Variants in ERBB4 observed in about 807,000 individuals in gnomAD.
ERBB4 encodes the protein receptor tyrosine-protein kinase erbB-4.
ERBB4 carries 42 observed loss-of-function variants against 158.0 expected under a neutral mutation model. That is an observed-to-expected ratio of 0.27 (90% CI 0.21 to 0.34). The LOEUF (loss-of-function observed/expected upper bound fraction) is 0.34, where lower values mean the gene tolerates loss of function less well. Among genes scored for constraint, ERBB4 ranks in the 10% least tolerant of loss-of-function variants. The pLI is 1.00. For synonymous variants in ERBB4, 583 were observed against 558.7 expected (o/e 1.04, Z -0.61); for missense variants, 1,333 against 1,624.1 (o/e 0.82, Z 3.08).
At chr2:211,848,960 C>G (rs183553618) in intron 3 of ERBB4, among the ~76,000 whole-genome samples, 195 of 152,154 alleles carry the variant, frequency 1.3e-3, no homozygotes, top group African/African-American at 4.5e-3. Context: ...ATTGAGCAAA[C>G]TACATACAAA....
intron 2 of ERBB4, among the ~76,000 whole-genome samples, chr2:211,957,992 C>T (rs2081077718): frequency 6.6e-6 from 1 of 151,992 alleles, no homozygotes; most frequent in Non-Finnish European, 1.5e-5. Context: ...TTTGAGGATG[C>T]AAAAGTTAGA....
At chr2:211,434,755 T>C (rs2063814791) in intron 20 of ERBB4, among the ~76,000 whole-genome samples, 1 of 152,184 alleles carries the variant, frequency 6.6e-6, no homozygotes, top group Admixed American at 6.5e-5. Flanking sequence ...AAAAACTAGG[T>C]GACAGTCTCT....
At chr2:211,471,992 A>C (rs373241614) in intron 20 of ERBB4, among the ~76,000 whole-genome samples, 1 of 152,116 alleles carries the variant, frequency 6.6e-6, no homozygotes, top group African/African-American at 2.4e-5. Context: ...AAGGGGGAAA[A>C]AAGATAATTC....
intron 1 of ERBB4, among the ~76,000 whole-genome samples, chr2:212,373,714 C>CATATATATCCATATATATATATCCAT (rs2090163976): frequency 2.2e-5 from 3 of 139,488 alleles, no homozygotes; most frequent in Admixed American, 7.3e-5. Context: ...TATATATCCA[C>CATATATATCCATATATATATATCCAT]ATATATATCC....
intron 16 of ERBB4, among the ~76,000 whole-genome samples, chr2:211,642,013 A>T (rs947834618): frequency 3.3e-5 from 5 of 152,146 alleles, no homozygotes; most frequent in Non-Finnish European, 7.4e-5. Flanking sequence ...TGAAATAGTT[A>T]AGTGGGATAT....
At chr2:212,351,369 A>C (rs1019137485) in intron 1 of ERBB4, among the ~76,000 whole-genome samples, 5 of 152,162 alleles carry the variant, frequency 3.3e-5, no homozygotes, top group African/African-American at 1.2e-4. Context: ...ATGTTGTTTA[A>C]GCTACCCAGT....
At chr2:212,510,909 G>A (rs1691482046) in intron 1 of ERBB4, among the ~76,000 whole-genome samples, 1 of 152,032 alleles carries the variant, frequency 6.6e-6, no homozygotes, top group African/African-American at 2.4e-5. Context: ...CCCCAGGAAT[G>A]TCCAACGACA....
chr2:211,857,177 T>TG (rs550969154), intron 3 of ERBB4, among the ~76,000 whole-genome samples: 27,239 of 146,968 alleles, frequency 0.19, 2,822 homozygotes, highest in South Asian at 0.33. Context: ...GTGTGTGTGT[T>TG]TGTGTGTCTT....
At chr2:211,703,295 C>T (rs977222983) in intron 11 of ERBB4, among the ~76,000 whole-genome samples, 7 of 152,126 alleles carry the variant, frequency 4.6e-5, no homozygotes, top group Admixed American at 6.5e-5. Context: ...TTATATACAG[C>T]ACTTTAATAG....
At chr2:212,147,193 A>G (rs1437421472) in intron 1 of ERBB4, among the ~76,000 whole-genome samples, 6 of 49,186 alleles carry the variant, frequency 1.2e-4, no homozygotes, top group African/African-American at 2.8e-4. Flanking sequence ...TTTTGTAGAG[A>G]TGGGGTTTTG....
At chr2:211,671,966 CCTTTTACA>C (rs1292887821) in intron 14 of ERBB4, among the ~76,000 whole-genome samples, 1 of 152,078 alleles carries the variant, frequency 6.6e-6, no homozygotes, top group Non-Finnish European at 1.5e-5. Context: ...TATTAAATTG[CCTTTTACA>C]CTTTGGTTCT....
At chr2:212,499,153 G>A (rs1690744433) in intron 1 of ERBB4, among the ~76,000 whole-genome samples, 2 of 152,080 alleles carry the variant, frequency 1.3e-5, no homozygotes, top group South Asian at 4.1e-4. Flanking sequence ...AATTGGTTTT[G>A]TTGAAACCGC....
chr2:212,208,249 G>A (rs2082825871), intron 1 of ERBB4, among the ~76,000 whole-genome samples: 1 of 152,106 alleles, frequency 6.6e-6, no homozygotes, highest in Admixed American at 6.5e-5. Flanking sequence ...TCTTACGCCT[G>A]CAAGGTTAAT....
intron 1 of ERBB4, among the ~76,000 whole-genome samples, chr2:212,181,698 C>T (rs1223315849): frequency 1.3e-5 from 2 of 151,610 alleles, no homozygotes; most frequent in African/African-American, 2.4e-5. Context: ...CTAATATGTG[C>T]TACAATTATT....
intron 1 of ERBB4, among the ~76,000 whole-genome samples, chr2:212,520,628 G>A (rs1356647536): frequency 1.3e-5 from 2 of 151,862 alleles, no homozygotes. Context: ...AGCTTTCATT[G>A]TTAAATTTGT....
chr2:211,722,355 G>T, intron 7 of ERBB4, 38 bp downstream of exon 7: 1 of 1,509,900 alleles, frequency 6.6e-7, no homozygotes, highest in South Asian at 1.1e-5. Context: ...TTCAAATAAT[G>T]ACCTAATTAA....
chr2:211,513,989 G>A (rs924438850), intron 20 of ERBB4, among the ~76,000 whole-genome samples: 3 of 152,078 alleles, frequency 2.0e-5, no homozygotes, highest in Admixed American at 6.5e-5. Context: ...ACCTTCTAAA[G>A]CTTCTCTTCT....
chr2:212,428,080 T>G (rs1017006143), intron 1 of ERBB4, among the ~76,000 whole-genome samples: 1 of 152,178 alleles, frequency 6.6e-6, no homozygotes, highest in African/African-American at 2.4e-5. Context: ...TTTGCAAATA[T>G]ATAAATAAAA....
chr2:211,467,507 G>A (rs527474630), intron 20 of ERBB4, among the ~76,000 whole-genome samples: 1 of 152,246 alleles, frequency 6.6e-6, no homozygotes, highest in Non-Finnish European at 1.5e-5. Flanking sequence ...CGTTCACAGT[G>A]CTTCCACCTG....
Sources: allele counts gnomAD v4.1 joint callset (sites outside exome capture counted in the v4.1 genomes callset), GRCh38; gene constraint gnomAD v4.1.1; transcripts MANE v1.5; gene names NCBI Gene and HGNC (gene_info 2026-07-23, HGNC 2026-07-21).